PLXNA4: variants seen among roughly 807,000 people sequenced by gnomAD.
The protein encoded by PLXNA4 is plexin-A4.
Under a neutral mutation model 191.8 loss-of-function variants are expected in PLXNA4, and 44 were observed. The ratio of observed to expected loss-of-function variants is 0.23; its 90% CI spans 0.18 to 0.29. PLXNA4 has a LOEUF of 0.29. Among genes scored for constraint, PLXNA4 ranks in the 10% least tolerant of loss-of-function variants. PLXNA4 has a pLI of 1.00. For synonymous variants in PLXNA4, 1,082 were observed against 1,009.5 expected, an observed-to-expected ratio of 1.07 and a Z score of -1.36; for missense variants, 1,800 against 2,488.8, an observed-to-expected ratio of 0.72 and a Z score of 5.89.
intron 25 of PLXNA4, among the ~76,000 whole-genome samples, chr7:132,157,098 G>C (rs1795821086): frequency 6.6e-6 from 1 of 152,206 alleles, no homozygotes. Context: ...ATTCCTCCAA[G>C]TGTGGCCCAG....
chr7:132,454,462 G>A (rs1796243815), intron 3 of PLXNA4, among the ~76,000 whole-genome samples: 1 of 152,092 alleles, frequency 6.6e-6, no homozygotes, highest in African/African-American at 2.4e-5. Flanking sequence ...GCTTTAACAA[G>A]AAGCTGCCTG....
chr7:132,344,916 G>A (rs1233614010), intron 3 of PLXNA4, among the ~76,000 whole-genome samples: 1 of 152,128 alleles, frequency 6.6e-6, no homozygotes, highest in Non-Finnish European at 1.5e-5. Context: ...CCCAGTAAGA[G>A]GAATGAGGGT....
intron 10 of PLXNA4, among the ~76,000 whole-genome samples, chr7:132,205,896 G>C (rs912552806): frequency 2.6e-5 from 4 of 152,200 alleles, no homozygotes; most frequent in African/African-American, 4.8e-5. Flanking sequence ...CCCCTCTCAG[G>C]AAGGACCTGA....
chr7:132,647,755 CATAT>C (rs1210953080), intron 1 of PLXNA4, among the ~76,000 whole-genome samples: 2 of 147,090 alleles, frequency 1.4e-5, no homozygotes, highest in African/African-American at 5.1e-5. Flanking sequence ...TACACACATA[CATAT>C]ACACTCACAA....
At chr7:132,517,154 A>C (rs1489162044) in intron 1 of PLXNA4, among the ~76,000 whole-genome samples, 1 of 152,184 alleles carries the variant, frequency 6.6e-6, no homozygotes, top group Non-Finnish European at 1.5e-5. Flanking sequence ...AGAGGAAGCT[A>C]ACTTTTCACA....
rs146455991 is a variant in PLXNA4, at chr7:132,565,985, C to G, written c.-87+10437G>C. On this transcript the variant is annotated intron_variant, in intron 1 of 31. Coordinates refer to ENST00000321063, the MANE Select transcript of PLXNA4 (RefSeq NM_020911.2). ...AAAACTCACTGCAGTTGGGTTCGAA[C>G]TCAGCTGGGACTTGATTTACTGCTA... 2.6e-3 allele frequency among the ~76,000 whole-genome samples: 398 copies of G among 152,328 alleles called. 4 individuals carry two copies. Among genetic ancestry groups the G allele is most frequent in the African/African-American group, 9.2e-3 (384 of 41,566 alleles).
intron 2 of PLXNA4, among the ~76,000 whole-genome samples, chr7:132,595,599 G>T (rs997624903): frequency 2.0e-5 from 3 of 152,074 alleles, no homozygotes; most frequent in Non-Finnish European, 4.4e-5. Flanking sequence ...CAACACCCAG[G>T]CACTAAGTCA....
rs3057957 is a variant in PLXNA4, at chr7:132,365,328, C to CGTGTGTGTGTGTGTGT, written c.1372-67122_1372-67107dup. ...CTCCCCCGGTCTTTCCTACGGCCCG[C>CGTGTGTGTGTGTGTGT]GTGTGTGTGTGTGTGTGTGTGTGTG... On this transcript the variant is annotated intron_variant, in intron 3 of 31. Transcript: ENST00000321063. Among the ~76,000 whole-genome samples the CGTGTGTGTGTGTGTGT allele has an allele frequency of 1.4e-4, 20 of 143,072 alleles. No homozygotes were observed. The South Asian group carries it at 2.9e-3, about 20-fold the overall frequency. 93.9% of individuals were successfully genotyped at this position (143,072 alleles called of 152,430 possible). A position where few individuals can be genotyped will look rare whatever the true frequency, so the allele number is the denominator to read the frequency against.
chr7:132,493,723 GTGGA>G (rs1232703360), intron 2 of PLXNA4, among the ~76,000 whole-genome samples: 10 of 86,314 alleles, frequency 1.2e-4, no homozygotes, highest in African/African-American at 3.4e-4. Flanking sequence ...GGATGGATGG[GTGGA>G]TGGGTGGATG....
At chr7:132,324,824 G>C (rs944097854) in intron 3 of PLXNA4, among the ~76,000 whole-genome samples, 3 of 152,178 alleles carry the variant, frequency 2.0e-5, no homozygotes, top group African/African-American at 7.2e-5. Flanking sequence ...ATCAGAAATG[G>C]GGTGATAACT....
chr7:132,191,772 A>ATCTCTCTCTCTCTCTC (rs145828587), intron 14 of PLXNA4, among the ~76,000 whole-genome samples: 6,691 of 142,636 alleles, frequency 0.047, 274 homozygotes, highest in African/African-American at 0.085. Flanking sequence ...TCCTCTCTCC[A>ATCTCTCTCTCTCTCTC]TCTCTCTCTC....
chr7:132,346,982 T>A (rs915998965), intron 3 of PLXNA4, among the ~76,000 whole-genome samples: 9 of 152,194 alleles, frequency 5.9e-5, no homozygotes, highest in Non-Finnish European at 1.3e-4. Context: ...TAAAGAAAAC[T>A]GCATCCCTTT....
intron 3 of PLXNA4, among the ~76,000 whole-genome samples, chr7:132,301,047 AAGG>A (rs773635140): frequency 1.3e-5 from 2 of 152,188 alleles, no homozygotes; most frequent in Non-Finnish European, 2.9e-5. Flanking sequence ...CCAACTGGAC[AAGG>A]TTCCATAGGC....
intron 3 of PLXNA4, among the ~76,000 whole-genome samples, chr7:132,433,924 G>A (rs1383794404): frequency 1.3e-5 from 2 of 152,194 alleles, no homozygotes; most frequent in Non-Finnish European, 2.9e-5. Context: ...CCAGGCTAAG[G>A]ATTCACAGAA....
Position 132,132,450 on chromosome 7 carries a change from C to CTGTTCTGTTCTGT in PLXNA4, c.5589+586_5589+598dup, listed in dbSNP as rs1563048224. Among the ~76,000 whole-genome samples the CTGTTCTGTTCTGT allele has an allele frequency of 1.0e-4, 5 of 48,098 alleles. No homozygotes were observed. The South Asian group carries it at 3.5e-3, about 34-fold the overall frequency. 31.6% of individuals were successfully genotyped at this position (48,098 alleles called of 152,430 possible). ...CTGTTCTGTTCTGTTCTGTTCTGTT[C>CTGTTCTGTTCTGT]TGTTCTGTTCTGTTCTGCTCTGCTC... On this transcript the variant is annotated intron_variant, in intron 31 of 31. Transcript: ENST00000321063.
At chr7:132,131,267 A>G (rs901905183) in intron 31 of PLXNA4, among the ~76,000 whole-genome samples, 4 of 152,270 alleles carry the variant, frequency 2.6e-5, no homozygotes, top group African/African-American at 9.6e-5. Context: ...CAGACTCAGG[A>G]GATGAGGGAT....
chr7:132,559,499 T>C (rs928241382), intron 1 of PLXNA4, among the ~76,000 whole-genome samples: 2 of 152,208 alleles, frequency 1.3e-5, no homozygotes, highest in African/African-American at 4.8e-5. Context: ...ATAACTGGTA[T>C]AAATGATGCC....
chr7:132,557,329 C>G (rs1413654862), intron 1 of PLXNA4, among the ~76,000 whole-genome samples: 3 of 152,152 alleles, frequency 2.0e-5, no homozygotes, highest in African/African-American at 7.2e-5. Flanking sequence ...GTTCCCATCC[C>G]CTGCAAAGGC....
intron 21 of PLXNA4, among the ~76,000 whole-genome samples, chr7:132,168,881 T>C (rs1329054691): frequency 6.6e-6 from 1 of 152,216 alleles, no homozygotes; most frequent in Non-Finnish European, 1.5e-5. Context: ...GCAGAGTTGA[T>C]GAGGGCCCCT....
Sources: gnomAD v4.1 joint callset for allele counts (sites outside exome capture counted in the v4.1 genomes callset) on GRCh38, gnomAD v4.1.1 for gene constraint, MANE v1.5 for transcripts, NCBI Gene and HGNC (gene_info 2026-07-23, HGNC 2026-07-21) for gene names.